VWA8: variants seen among roughly 807,000 people sequenced by gnomAD.
VWA8 encodes von Willebrand factor A domain-containing protein 8.
In VWA8, 221 loss-of-function variants were observed where a neutral mutation model predicts 241.5. The observed-to-expected ratio is 0.91, with a 90% CI of 0.82 to 1.02. VWA8 has a LOEUF of 1.02. Ranked by LOEUF, VWA8 falls within the 50% of genes least tolerant of loss-of-function variation. The probability of loss-of-function intolerance (pLI) is 0.00; values close to 1 mark genes in which losing one functional copy is unlikely to be tolerated. For synonymous variants in VWA8, 852 were observed against 827.1 expected, an observed-to-expected ratio of 1.03 and a Z score of -0.52; for missense variants, 2,322 against 2,328.7, an observed-to-expected ratio of 1.00 and a Z score of 0.06.
At chr13:41,576,197 T>C (rs557102848) in intron 42 of VWA8, among the ~76,000 whole-genome samples, 1 of 152,358 alleles carries the variant, frequency 6.6e-6, no homozygotes, top group Non-Finnish European at 1.5e-5. Flanking sequence ...TGTATGTTCC[T>C]TTTAAAATGG....
chr13:41,664,430 T>TGTGTGTG, intron 37 of VWA8, among the ~76,000 whole-genome samples: 1 of 149,896 alleles, frequency 6.7e-6, no homozygotes, highest in African/African-American at 2.5e-5. Context: ...TGTGTGTGTG[T>TGTGTGTG]TCCATTTGTT....
intron 40 of VWA8, among the ~76,000 whole-genome samples, chr13:41,597,397 T>C (rs888044364): frequency 6.6e-6 from 1 of 152,128 alleles, no homozygotes; most frequent in Non-Finnish European, 1.5e-5. Flanking sequence ...ATTAAAAATA[T>C]TTTACTAAAT....
chr13:41,587,047 C>G (rs2044423191), intron 42 of VWA8, among the ~76,000 whole-genome samples: 1 of 152,128 alleles, frequency 6.6e-6, no homozygotes, highest in African/African-American at 2.4e-5. Flanking sequence ...GAAATGGAAA[C>G]CTGCTTTTCT....
intron 21 of VWA8, among the ~76,000 whole-genome samples, chr13:41,751,301 C>T (rs1324950858): frequency 6.6e-6 from 1 of 152,076 alleles, no homozygotes; most frequent in Non-Finnish European, 1.5e-5. Context: ...AATATGGAAA[C>T]TACTGCCCAA....
chr13:41,665,099 T>C (rs995821348), intron 37 of VWA8, among the ~76,000 whole-genome samples: 2 of 152,174 alleles, frequency 1.3e-5, no homozygotes, highest in African/African-American at 4.8e-5. Context: ...CTAGTATAGA[T>C]GATGAATTAT....
chr13:41,608,582 G>T (rs546437280), intron 39 of VWA8, among the ~76,000 whole-genome samples: 1 of 152,126 alleles, frequency 6.6e-6, no homozygotes, highest in East Asian at 1.9e-4. Context: ...TTTCTTATAG[G>T]TCACACTTAA....
At chr13:41,848,787 T>C (rs942811136) in intron 12 of VWA8, among the ~76,000 whole-genome samples, 5 of 152,210 alleles carry the variant, frequency 3.3e-5, no homozygotes, top group Non-Finnish European at 7.3e-5. Flanking sequence ...ACCTATGTGA[T>C]AGCATAGTGA....
chr13:41,825,564 C>T (rs564568965), intron 14 of VWA8, among the ~76,000 whole-genome samples: 3 of 152,232 alleles, frequency 2.0e-5, no homozygotes, highest in Admixed American at 6.5e-5. Context: ...TGATACCCCC[C>T]GAGCATCGAC....
intron 37 of VWA8, among the ~76,000 whole-genome samples, chr13:41,622,667 A>G (rs1469177010): frequency 6.6e-6 from 1 of 152,252 alleles, no homozygotes; most frequent in Non-Finnish European, 1.5e-5. Context: ...TGGAAAAAAC[A>G]TGGATCTTGT....
At chr13:41,775,721 G>T (rs1031335435) in intron 20 of VWA8, among the ~76,000 whole-genome samples, 2 of 152,164 alleles carry the variant, frequency 1.3e-5, no homozygotes, top group African/African-American at 4.8e-5. Context: ...ACAAAAGAGA[G>T]ATAGCATATT....
At chr13:41,597,717 G>A (rs1410874387) in intron 40 of VWA8, among the ~76,000 whole-genome samples, 3 of 151,404 alleles carry the variant, frequency 2.0e-5, no homozygotes, top group Non-Finnish European at 4.4e-5. Flanking sequence ...AACATAACAG[G>A]CATCTTATAC....
chr13:41,704,778 C>T (rs1343842601), intron 26 of VWA8, among the ~76,000 whole-genome samples: 1 of 152,030 alleles, frequency 6.6e-6, no homozygotes, highest in African/African-American at 2.4e-5. Context: ...TTTAATCATA[C>T]TATCTTTTAT....
intron 42 of VWA8, among the ~76,000 whole-genome samples, chr13:41,580,064 A>G (rs1413323035): frequency 6.6e-6 from 1 of 150,434 alleles, no homozygotes; most frequent in African/African-American, 2.5e-5. Context: ...TACATTGCAC[A>G]TGCTGGTTTT....
At chr13:41,750,138 C>T (rs545972190) in intron 21 of VWA8, among the ~76,000 whole-genome samples, 2 of 152,118 alleles carry the variant, frequency 1.3e-5, no homozygotes, top group East Asian at 1.9e-4. Flanking sequence ...ATTCCAGATC[C>T]CATTAAGAAC....
intron 17 of VWA8, among the ~76,000 whole-genome samples, chr13:41,792,460 T>A (rs1416477636): frequency 6.6e-6 from 1 of 152,016 alleles, no homozygotes; most frequent in African/African-American, 2.4e-5. Context: ...TCTGTATCTA[T>A]TCTAATAGTC....
intron 2 of VWA8, among the ~76,000 whole-genome samples, chr13:41,922,671 GAC>G (rs1440815473): frequency 6.6e-6 from 1 of 152,080 alleles, no homozygotes; most frequent in African/African-American, 2.4e-5. Context: ...GCAGCCAAAA[GAC>G]ACATGAAAAA....
chr13:41,799,618 G>A (rs931297605), intron 17 of VWA8, among the ~76,000 whole-genome samples: 3 of 152,104 alleles, frequency 2.0e-5, no homozygotes, highest in East Asian at 1.9e-4. Context: ...CTGCAGCCAC[G>A]TCCGTTGTCC....
intron 29 of VWA8, among the ~76,000 whole-genome samples, chr13:41,693,408 A>G (rs1190033052): frequency 9.2e-5 from 14 of 152,078 alleles, no homozygotes; most frequent in South Asian, 2.1e-4. Flanking sequence ...AAGCTCTCTT[A>G]TATTGTGCAT....
intron 16 of VWA8, among the ~76,000 whole-genome samples, chr13:41,812,825 T>C (rs891696632): frequency 6.6e-6 from 1 of 152,212 alleles, no homozygotes; most frequent in African/African-American, 2.4e-5. Context: ...TGGTCCATTC[T>C]TGTTTTCAAT....
Sources: gnomAD v4.1 joint callset for allele counts (sites outside exome capture counted in the v4.1 genomes callset) on GRCh38, gnomAD v4.1.1 for gene constraint, MANE v1.5 for transcripts, NCBI Gene and HGNC (gene_info 2026-07-23, HGNC 2026-07-21) for gene names.